The following GUK1 variants were observed in gnomAD, a reference collection of about 807,000 sequenced individuals.
GUK1 encodes the protein guanylate kinase 1.
A neutral mutation model predicts 25.2 loss-of-function variants in GUK1; 18 were observed. The ratio of observed to expected loss-of-function variants is 0.71; its 90% CI spans 0.49 to 1.06. The LOEUF is 1.06. Among genes scored for constraint, GUK1 ranks in the 50% least tolerant of loss-of-function variants. GUK1 has a pLI of 0.00. For synonymous variants in GUK1, 105 were observed against 117.6 expected (o/e 0.89, Z 0.69); for missense variants, 261 against 276.7 (o/e 0.94, Z 0.40).
Position 228,147,397 on chromosome 1 carries a change from T to C in GUK1, c.252-9T>C. Reference sequence around the variant, plus strand: ...CTGGCACCCCTGCTGACCTGGCACCTCTCCCCAGCAAGGTGGCGGTGCAGG... The same window carrying C: ...CTGGCACCCCTGCTGACCTGGCACCCCTCCCCAGCAAGGTGGCGGTGCAGG... On this transcript the variant is annotated splice_polypyrimidine_tract_variant and intron_variant, in intron 5 of 8. Coordinates refer to ENST00000312726, the MANE Select transcript of GUK1 (RefSeq NM_000858.7). 1 of 1,607,552 alleles carries C rather than the reference T, an allele frequency of 6.2e-7. No individual in the cohort carries two copies. The highest frequency in any genetic ancestry group is 8.5e-7 in the Non-Finnish European group (1 of 1,177,796).
At chr1:228,143,605 T>C (rs1457115216) in intron 2 of GUK1, among the ~76,000 whole-genome samples, 1 of 152,100 alleles carries the variant, frequency 6.6e-6, no homozygotes, top group African/African-American at 2.4e-5. Flanking sequence ...GGCTCCTAGC[T>C]AGTGCATTAT....
At chr1:228,148,305 G>T in intron 7 of GUK1, 66 bp from the exon 7 acceptor site, 2 of 1,117,896 alleles carry the variant, frequency 1.8e-6, no homozygotes. Flanking sequence ...TGCTCTGGGG[G>T]TCGTGTGGGA....
Position 228,148,382 on chromosome 1 carries a change from G to C in GUK1, c.487G>C (p.Gly163Arg). ...GGCCCCACCCACAGGCAAGGAGCCC[G>C]GCCTGTTTGATGTGGTCATCATTAA... is the stretch of plus-strand genomic sequence containing the variant. The change falls in exon 8 of 9, where the codon GGC becomes CGC. Residue 163 changes from glycine to arginine, a missense_variant. Transcript: ENST00000312726. 6.4e-7 allele frequency: 1 copy of C among 1,554,004 alleles called. No homozygotes were observed. The highest frequency in any genetic ancestry group is 8.7e-7 in the Non-Finnish European group (1 of 1,144,662).
intron 2 of GUK1, among the ~76,000 whole-genome samples, chr1:228,142,096 G>A (rs900467995): frequency 2.6e-5 from 4 of 152,344 alleles, no homozygotes; most frequent in East Asian, 1.9e-4. Flanking sequence ...CCTGCCACTG[G>A]TCTCTCCCCA....
chr1:228,144,593 C>A, intron 2 of GUK1: 1 of 332,976 alleles, frequency 3.0e-6, no homozygotes, highest in Non-Finnish European at 4.3e-6. Context: ...TGCTTCCCTG[C>A]AAGGGCCCAG....
chr1:228,148,481 GGGCAAGGCCCAA>G (rs2034528014), intron 8 of GUK1, 25 bp downstream of exon 7: 4 of 1,538,636 alleles, frequency 2.6e-6, no homozygotes, highest in African/African-American at 1.4e-5. Context: ...GTGCCTACCT[GGGCAAGGCCCAA>G]GGGGAGGCCT....
Position 228,148,693 on chromosome 1 carries a change from C to T in GUK1, c.590C>T (p.Ala197Val), listed in dbSNP as rs147964721. The T allele has an allele frequency of 6.2e-7, 1 of 1,602,974 alleles. No individual in the cohort carries two copies. The highest frequency in any genetic ancestry group is 8.5e-7 in the Non-Finnish European group (1 of 1,175,778). The change falls in exon 9 of 9, where the codon GCC (alanine) becomes GTC (valine). Residue 197 changes from alanine (A) to valine (V), a missense_variant. Transcript: ENST00000312726. ...ATCAAGAAAGCTCAAAGGACCGGCGCCTGAGGCTTGCTGTCTGTTCTCGGC... is the reference window on the plus strand; with the variant it reads ...ATCAAGAAAGCTCAAAGGACCGGCGTCTGAGGCTTGCTGTCTGTTCTCGGC...
chr1:228,148,610 G>T, intron 8 of GUK1, 55 bp from the exon 8 acceptor site: 1 of 1,514,050 alleles, frequency 6.6e-7, no homozygotes, highest in East Asian at 2.3e-5. Flanking sequence ...AGAGCAGGAA[G>T]CCCAGCCCTT....
In GUK1 at chr1:228,146,832, T is replaced by C. The variant is rs1209973892; in HGVS notation, c.155-10T>C. The C allele has an allele frequency of 6.3e-7, 1 of 1,596,616 alleles. No individual in the cohort carries two copies. Among genetic ancestry groups the C allele is most frequent in the East Asian group, 2.2e-5 (1 of 44,840 alleles). On this transcript the variant is annotated splice_polypyrimidine_tract_variant and intron_variant, in intron 4 of 8. Transcript: ENST00000312726. ...AGTCTGCCCTCTGGATGGCCCCTCC[T>C]CTTCCCCAGATTACTACTTTGTAAC...
At chr1:228,146,632 T>C in intron 4 of GUK1, 1 of 581,016 alleles carries the variant, frequency 1.7e-6, no homozygotes, top group Non-Finnish European at 3.1e-6. Context: ...CGTATCTCCA[T>C]CAGTGAGGAC....
intron 7 of GUK1, 156 bp downstream of exon 6, chr1:228,147,855 C>A (rs952048612): frequency 7.9e-6 from 5 of 634,724 alleles, no homozygotes; most frequent in African/African-American, 7.3e-5. Flanking sequence ...CACCTAGAGT[C>A]CCCGTGAGGG....
intron 7 of GUK1, chr1:228,148,147 C>T (rs2034502254): frequency 1.6e-6 from 1 of 644,290 alleles, no homozygotes; most frequent in South Asian, 1.7e-5. Context: ...TGCTGGTGTC[C>T]AGACCCAAGT....
At position 228,140,288 on chromosome 1, in the gene GUK1, A is replaced by C. The variant is rs769269283; in HGVS notation, c.-243A>C. 4.6e-6 allele frequency: 7 copies of C among 1,530,282 alleles called. No individual in the cohort carries two copies. The African/African-American group carries it at 8.4e-5, about 18-fold the overall frequency. 94.8% of individuals were successfully genotyped at this position (1,530,282 alleles called of 1,614,324 possible). A position where few individuals can be genotyped will look rare whatever the true frequency, so the allele number is the denominator to read the frequency against. On this transcript the variant is annotated 5_prime_UTR_variant, in exon 1 of 9. Transcript: ENST00000312726. The stretch of plus-strand genomic sequence containing the variant: ...GCTGTCACGTAGGTTCAGTGGGCGG[A>C]AGAGGTGGCCCCGGATGCTGCGGCG...
chr1:228,148,752 T>A lies in GUK1; in HGVS notation c.*55T>A, dbSNP rs370109648. 2.0e-5 allele frequency: 32 copies of A among 1,611,542 alleles called. No homozygotes were observed. Among genetic ancestry groups the A allele is most frequent in the East Asian group, 1.3e-4 (6 of 44,874 alleles). On this transcript the variant is annotated 3_prime_UTR_variant, in exon 9 of 9. Coordinates refer to ENST00000312726, the MANE Select transcript of GUK1 (RefSeq NM_000858.7). ...CCCATACAGGACCAGGGCAGCAGCA[T>A]TGAGCCACCCCCTTGGCAGGCGATA...
At chr1:228,148,483 GC>G in intron 8 of GUK1, 27 bp downstream of exon 7, 1 of 1,540,796 alleles carries the variant, frequency 6.5e-7, no homozygotes, top group African/African-American at 1.4e-5. Context: ...GCCTACCTGG[GC>G]AAGGCCCAAG....
At chr1:228,146,997 G>A (rs2034417443) in intron 5 of GUK1, 59 bp downstream of exon 4, 1 of 1,114,658 alleles carries the variant, frequency 9.0e-7, no homozygotes, top group South Asian at 1.2e-5. Flanking sequence ...CAGGGATCCA[G>A]GTAGTGCCTG....
chr1:228,148,201 G>A, intron 7 of GUK1, 170 bp from the exon 7 acceptor site: 1 of 695,930 alleles, frequency 1.4e-6, no homozygotes, highest in Non-Finnish European at 2.7e-6. Context: ...GAGGACTGAG[G>A]CCCAGGGGGC....
rs996675275 is a variant in GUK1 at position 228,147,354 on chromosome 1, T to C, written c.252-52T>C. ...AGGGCCTGGGTGTCCCTGAAGCTCC[T>C]GTAGGCCTCAGAGAGCCCTGGCACC... On this transcript the variant is annotated intron_variant, in intron 5 of 8. Transcript: ENST00000312726. 4 of 1,565,710 alleles carry C rather than the reference T, an allele frequency of 2.6e-6. No homozygotes were observed. The Admixed American group carries it at 6.8e-5, about 27-fold the overall frequency.
chr1:228,148,788 G>C lies in GUK1; in HGVS notation c.*91G>C, dbSNP rs762650736. ...CCTTGGCAGGCGATACGGCAGCTCTGTGCCCTTGGCCAGCATGTGGAGTGG... is the reference window on the plus strand; with the variant it reads ...CCTTGGCAGGCGATACGGCAGCTCTCTGCCCTTGGCCAGCATGTGGAGTGG... On this transcript the variant is annotated 3_prime_UTR_variant, in exon 9 of 9. Transcript: ENST00000312726. 2 of 1,602,406 alleles carry C rather than the reference G, an allele frequency of 1.2e-6. No individual in the cohort carries two copies. Among genetic ancestry groups the C allele is most frequent in the South Asian group, 2.2e-5 (2 of 89,866 alleles).
Sources: gnomAD v4.1 joint callset for allele counts (sites outside exome capture counted in the v4.1 genomes callset) on GRCh38, gnomAD v4.1.1 for gene constraint, MANE v1.5 for transcripts, NCBI Gene and HGNC (gene_info 2026-07-23, HGNC 2026-07-21) for gene names.